The following KCNH5 variants were observed in gnomAD, a reference collection of about 807,000 sequenced individuals.
The protein encoded by KCNH5 is voltage-gated delayed rectifier potassium channel KCNH5.
Under a neutral mutation model 96.1 loss-of-function variants are expected in KCNH5, and 46 were observed. The ratio of observed to expected loss-of-function variants is 0.48; its 90% CI spans 0.38 to 0.61. The LOEUF is 0.61. Among genes scored for constraint, KCNH5 ranks in the 20% least tolerant of loss-of-function variants. The probability of loss-of-function intolerance (pLI) is 0.00; values close to 1 mark genes in which losing one functional copy is unlikely to be tolerated. For synonymous variants in KCNH5, 439 were observed against 449.8 expected, an observed-to-expected ratio of 0.98 and a Z score of 0.30; for missense variants, 907 against 1,225.8, an observed-to-expected ratio of 0.74 and a Z score of 3.88.
At chr14:62,982,728 C>G (rs9630387) in intron 5 of KCNH5, among the ~76,000 whole-genome samples, 3,887 of 152,164 alleles carry the variant, frequency 0.026, 115 homozygotes, top group East Asian at 0.16. Flanking sequence ...AATATAATAT[C>G]CATTTTTACT....
intron 6 of KCNH5, among the ~76,000 whole-genome samples, chr14:62,961,022 C>T (rs117947452): frequency 0.012 from 1,804 of 152,164 alleles, 17 homozygotes; most frequent in Non-Finnish European, 0.017. Context: ...TTTTCATATC[C>T]ACTGGGTCCA....
At chr14:62,829,409 C>G (rs1268570956) in intron 8 of KCNH5, among the ~76,000 whole-genome samples, 1 of 152,230 alleles carries the variant, frequency 6.6e-6, no homozygotes, top group Admixed American at 6.5e-5. Flanking sequence ...AGGCTTCTGC[C>G]TAGACATCCA....
At chr14:62,993,939 G>T (rs560269493) in intron 4 of KCNH5, among the ~76,000 whole-genome samples, 5 of 152,126 alleles carry the variant, frequency 3.3e-5, no homozygotes, top group African/African-American at 1.2e-4. Context: ...GGCATTATGA[G>T]AATATTTGTT....
chr14:62,848,941 T>C (rs1224194365), intron 8 of KCNH5, among the ~76,000 whole-genome samples: 1 of 152,224 alleles, frequency 6.6e-6, no homozygotes, highest in Non-Finnish European at 1.5e-5. Context: ...TCATCTTCTG[T>C]ATTTGATGTG....
intron 7 of KCNH5, among the ~76,000 whole-genome samples, chr14:62,890,966 A>T (rs934105044): frequency 5.3e-5 from 8 of 152,200 alleles, no homozygotes; most frequent in Non-Finnish European, 1.2e-4. Context: ...GGGAGTGTGA[A>T]TTAGTTCAAC....
At chr14:62,965,337 A>G (rs1355331947) in intron 6 of KCNH5, among the ~76,000 whole-genome samples, 2 of 152,034 alleles carry the variant, frequency 1.3e-5, no homozygotes, top group African/African-American at 4.8e-5. Context: ...GTAGTGGGTG[A>G]GTTCTCACTC....
At chr14:63,031,467 T>C (rs1891624870) in intron 1 of KCNH5, among the ~76,000 whole-genome samples, 1 of 151,992 alleles carries the variant, frequency 6.6e-6, no homozygotes, top group African/African-American at 2.4e-5. Flanking sequence ...CTATAGCAAT[T>C]CCAGGAGAAA....
intron 10 of KCNH5, among the ~76,000 whole-genome samples, chr14:62,724,471 A>C (rs1388007044): frequency 1.3e-5 from 2 of 152,200 alleles, no homozygotes; most frequent in Non-Finnish European, 2.9e-5. Flanking sequence ...ATTATTCCTA[A>C]GGTAACTTCT....
chr14:62,811,925 C>T (rs937355754), intron 8 of KCNH5, among the ~76,000 whole-genome samples: 1 of 152,116 alleles, frequency 6.6e-6, no homozygotes, highest in Non-Finnish European at 1.5e-5. Context: ...TCAGCAAAAA[C>T]TCTTATTGAG....
chr14:62,747,071 T>C (rs1252995655), intron 10 of KCNH5, among the ~76,000 whole-genome samples: 1 of 152,236 alleles, frequency 6.6e-6, no homozygotes, highest in Non-Finnish European at 1.5e-5. Context: ...CGGCGGCTCA[T>C]GCCTGTAATC....
intron 7 of KCNH5, among the ~76,000 whole-genome samples, chr14:62,879,686 C>G (rs985141988): frequency 3.9e-5 from 6 of 152,204 alleles, no homozygotes; most frequent in Admixed American, 2.6e-4. Context: ...GCTCTTTACC[C>G]AGTATCAGGC....
chr14:62,918,777 G>A (rs1889324493), intron 7 of KCNH5, among the ~76,000 whole-genome samples: 1 of 152,012 alleles, frequency 6.6e-6, no homozygotes, highest in Non-Finnish European at 1.5e-5. Context: ...AGACTGTTAA[G>A]TCATTACAGT....
chr14:62,822,602 C>G (rs886215074), intron 8 of KCNH5, among the ~76,000 whole-genome samples: 2 of 151,636 alleles, frequency 1.3e-5, no homozygotes, highest in African/African-American at 4.8e-5. Flanking sequence ...TAACCTCAAC[C>G]TAACCCTCAA....
chr14:62,787,715 C>A (rs1422200538), intron 9 of KCNH5, among the ~76,000 whole-genome samples: 1 of 152,148 alleles, frequency 6.6e-6, no homozygotes, highest in African/African-American at 2.4e-5. Context: ...TGATTATTCC[C>A]AAAGTCCTAG....
At chr14:62,817,520 A>C (rs1489305439) in intron 8 of KCNH5, among the ~76,000 whole-genome samples, 1 of 149,570 alleles carries the variant, frequency 6.7e-6, no homozygotes, top group Non-Finnish European at 1.5e-5. Context: ...AAAAGAGTGA[A>C]GAGAGCTTAT....
chr14:62,893,749 C>CA (rs1335667273), intron 7 of KCNH5, among the ~76,000 whole-genome samples: 7 of 151,404 alleles, frequency 4.6e-5, no homozygotes, highest in Admixed American at 1.3e-4. Flanking sequence ...GACTCCAACT[C>CA]AAAAAAAAGA....
At chr14:62,829,267 G>A (rs1193573159) in intron 8 of KCNH5, among the ~76,000 whole-genome samples, 2 of 152,114 alleles carry the variant, frequency 1.3e-5, no homozygotes, top group East Asian at 1.9e-4. Flanking sequence ...CTGGGGTCGG[G>A]AGGACAGTGG....
intron 8 of KCNH5, 131 bp from the exon 9 acceptor site, chr14:62,802,712 G>T: frequency 9.3e-7 from 1 of 1,072,394 alleles, no homozygotes; most frequent in Non-Finnish European, 1.3e-6. Flanking sequence ...CTGGGTACTG[G>T]GAAGGCAAAG....
In KCNH5 at chr14:63,034,132, C is replaced by T. The variant is rs370782401; in HGVS notation, c.73+10982G>A. ...GCGGGGTTTTACCATGTTGGTCAGG[C>T]TGGTCTCGATCTCCTGACCTCGTGA... On this transcript the variant is annotated intron_variant, in intron 1 of 10. Coordinates refer to ENST00000322893, the MANE Select transcript of KCNH5 (RefSeq NM_139318.5). Among the ~76,000 whole-genome samples the T allele has an allele frequency of 3.6e-4, 55 of 152,116 alleles. No individual in the cohort carries two copies. In the Middle Eastern group the frequency reaches 0.01, roughly 28 times the overall value.
Sources: allele counts gnomAD v4.1 joint callset (sites outside exome capture counted in the v4.1 genomes callset), GRCh38; gene constraint gnomAD v4.1.1; transcripts MANE v1.5; gene names NCBI Gene and HGNC (gene_info 2026-07-23, HGNC 2026-07-21).